The following RORA variants were observed in gnomAD, a reference collection of about 807,000 sequenced individuals.
RORA encodes the protein RAR related orphan receptor A.
Under a neutral mutation model 69.5 loss-of-function variants are expected in RORA, and 7 were observed. The observed-to-expected ratio is 0.10, with a 90% CI of 0.06 to 0.19. RORA has a LOEUF of 0.19. Ranked by LOEUF, RORA falls within the 10% of genes least tolerant of loss-of-function variation. The pLI is 1.00. For synonymous variants in RORA, 261 were observed against 240.8 expected (o/e 1.08, Z -0.78); for missense variants, 457 against 663.0 (o/e 0.69, Z 3.41).
intron 1 of RORA, among the ~76,000 whole-genome samples, chr15:61,121,575 G>A (rs1260033423): frequency 1.3e-5 from 2 of 152,106 alleles, no homozygotes; most frequent in African/African-American, 2.4e-5. Flanking sequence ...TTCAGCTTCA[G>A]TCTGCACCAG....
intron 1 of RORA, among the ~76,000 whole-genome samples, chr15:61,086,292 T>C (rs897853377): frequency 6.6e-6 from 1 of 152,218 alleles, no homozygotes; most frequent in Non-Finnish European, 1.5e-5. Context: ...GATGCTGGGA[T>C]TATGTCTGAG....
rs560056131 is a variant in RORA at position 60,860,259 on chromosome 15, T to C, written c.167-181573A>G. Among the ~76,000 whole-genome samples the C allele has an allele frequency of 5.3e-5, 8 of 152,318 alleles. No individual in the cohort carries two copies. The South Asian group carries it at 1.2e-3, about 24-fold the overall frequency. On this transcript the variant is annotated intron_variant, in intron 1 of 10. Transcript: ENST00000335670. ...TTCCAAATGTGTTCATCACCAGTTA[T>C]AGTTTACCATACCACCCAATCCAAG...
chr15:60,981,646 G>A (rs1207984740), intron 1 of RORA, among the ~76,000 whole-genome samples: 1 of 151,562 alleles, frequency 6.6e-6, no homozygotes, highest in Non-Finnish European at 1.5e-5. Context: ...TTTCTATTTG[G>A]TCCCATTTTA....
intron 1 of RORA, among the ~76,000 whole-genome samples, chr15:60,916,148 A>G (rs74017858): frequency 0.03 from 4,529 of 152,272 alleles, 225 homozygotes; most frequent in African/African-American, 0.1. Context: ...CCGACTTTAC[A>G]CTTTTCCCAG....
chr15:60,567,414 TTA>T (rs1244850828), intron 2 of RORA, among the ~76,000 whole-genome samples: 7 of 143,518 alleles, frequency 4.9e-5, no homozygotes, highest in African/African-American at 1.5e-4. Flanking sequence ...ATTATTATTA[TTA>T]TTTTTTTTTT....
intron 2 of RORA, among the ~76,000 whole-genome samples, chr15:60,658,281 C>T (rs1437882979): frequency 6.6e-6 from 1 of 152,100 alleles, no homozygotes; most frequent in Non-Finnish European, 1.5e-5. Flanking sequence ...TCTCAAACTC[C>T]TGACCTCAAG....
intron 1 of RORA, among the ~76,000 whole-genome samples, chr15:60,814,400 T>A (rs997669429): frequency 2.0e-5 from 3 of 152,188 alleles, no homozygotes; most frequent in Admixed American, 2.0e-4. Context: ...TCTTTCCAGA[T>A]GGAGCTTCCT....
chr15:61,083,257 C>A (rs1195943568), intron 1 of RORA, among the ~76,000 whole-genome samples: 1 of 152,218 alleles, frequency 6.6e-6, no homozygotes, highest in Non-Finnish European at 1.5e-5. Flanking sequence ...AAATGGGTCA[C>A]ACTGGCTTCA....
chr15:60,743,430 G>A (rs963756079), intron 1 of RORA, among the ~76,000 whole-genome samples: 2 of 152,144 alleles, frequency 1.3e-5, no homozygotes, highest in Admixed American at 6.5e-5. Flanking sequence ...CTGTTTACAT[G>A]CCTACCATGA....
chr15:60,799,993 C>G lies in RORA; in HGVS notation c.167-121307G>C, dbSNP rs113562893. Among the ~76,000 whole-genome samples, 21 of 152,306 alleles carry G rather than the reference C, an allele frequency of 1.4e-4. No individual in the cohort carries two copies. The South Asian group carries it at 4.1e-3, about 30-fold the overall frequency. Reference sequence around the variant, plus strand: ...TCTGTTTCCTATAGAGGGCTGCAGCCAGGGCTGTGTTATTCACTTGTCTAT... The same window carrying G: ...TCTGTTTCCTATAGAGGGCTGCAGCGAGGGCTGTGTTATTCACTTGTCTAT... On this transcript the variant is annotated intron_variant, in intron 1 of 10. Coordinates refer to ENST00000335670, the MANE Select transcript of RORA (RefSeq NM_134261.3).
At chr15:61,136,347 G>A (rs146487439) in intron 1 of RORA, among the ~76,000 whole-genome samples, 14 of 152,270 alleles carry the variant, frequency 9.2e-5, no homozygotes, top group African/African-American at 2.4e-4. Flanking sequence ...CAGTTGTTAC[G>A]TGTGATGCTA....
chr15:60,692,165 A>G (rs1036976947), intron 1 of RORA, among the ~76,000 whole-genome samples: 4 of 152,240 alleles, frequency 2.6e-5, no homozygotes, highest in African/African-American at 9.6e-5. Context: ...CCATTGAATT[A>G]AGCTGGGATC....
At chr15:60,613,527 C>A (rs368054003) in intron 2 of RORA, among the ~76,000 whole-genome samples, 1 of 152,064 alleles carries the variant, frequency 6.6e-6, no homozygotes, top group Admixed American at 6.6e-5. Flanking sequence ...TACCTTTCCA[C>A]GGGGTTGTTC....
intron 1 of RORA, among the ~76,000 whole-genome samples, chr15:61,137,041 AAGAAAGAAAGAAAG>A (rs2079248988): frequency 6.9e-6 from 1 of 144,200 alleles, no homozygotes; most frequent in Non-Finnish European, 1.5e-5. Context: ...GAAAGAAAGA[AAGAAAGAAAGAAAG>A]AAAGAAAGAA....
intron 6 of RORA, 52 bp downstream of exon 6, chr15:60,505,456 A>G: frequency 1.3e-6 from 2 of 1,595,030 alleles, no homozygotes; most frequent in Non-Finnish European, 1.7e-6. Flanking sequence ...CTATACCAAC[A>G]CCCTTCCCAA....
In RORA at chr15:60,879,191, G is replaced by C. The variant is rs192319380; in HGVS notation, c.167-200505C>G. Among the ~76,000 whole-genome samples, 23 of 152,330 alleles carry C rather than the reference G, an allele frequency of 1.5e-4. No homozygotes were observed. In the East Asian group the frequency reaches 1.7e-3, roughly 11 times the overall value. The stretch of plus-strand genomic sequence containing the variant: ...CAAAGAATGATCACCTATCTTTGTA[G>C]GGGAGCAGGGGTTTACTGCAATAGA... On this transcript the variant is annotated intron_variant, in intron 1 of 10. Transcript: ENST00000335670.
chr15:60,639,165 C>T (rs956451014), intron 2 of RORA, among the ~76,000 whole-genome samples: 3 of 151,402 alleles, frequency 2.0e-5, no homozygotes, highest in Non-Finnish European at 2.9e-5. Flanking sequence ...CCCTCCTCCC[C>T]GTTTCAATCA....
intron 1 of RORA, among the ~76,000 whole-genome samples, chr15:60,791,969 A>G (rs2072424118): frequency 6.6e-6 from 1 of 152,166 alleles, no homozygotes; most frequent in East Asian, 1.9e-4. Context: ...ATAAAAACCA[A>G]CCCCAAGAAT....
rs566942171 is a variant in RORA, at chr15:60,982,361, C to T, written c.166+246692G>A. On this transcript the variant is annotated intron_variant, in intron 1 of 10. Transcript: ENST00000335670. The stretch of plus-strand genomic sequence containing the variant: ...AGAACATGTAGGACCTTTTCAAAGA[C>T]CTTATTCCCTACAGCATGTCATTCC... 6.6e-5 allele frequency among the ~76,000 whole-genome samples: 10 copies of T among 152,340 alleles called. 1 individual carries two copies. The South Asian group carries it at 2.1e-3, about 32-fold the overall frequency.
Sources: allele counts gnomAD v4.1 joint callset (sites outside exome capture counted in the v4.1 genomes callset), GRCh38; gene constraint gnomAD v4.1.1; transcripts MANE v1.5; gene names NCBI Gene and HGNC (gene_info 2026-07-23, HGNC 2026-07-21).